Variants in TRIM5 observed in about 807,000 individuals in gnomAD.
TRIM5 encodes the protein tripartite motif-containing protein 5.
A neutral mutation model predicts 35.6 loss-of-function variants in TRIM5; 31 were observed. That is an observed-to-expected ratio of 0.87 (90% CI 0.65 to 1.18). The LOEUF (loss-of-function observed/expected upper bound fraction) is 1.18. Ranked by LOEUF, TRIM5 falls within the 50% of genes most tolerant of loss-of-function variation. The pLI is 0.00. For synonymous variants in TRIM5, 243 were observed against 215.6 expected, an observed-to-expected ratio of 1.13 and a Z score of -1.11; for missense variants, 609 against 591.6, an observed-to-expected ratio of 1.03 and a Z score of -0.31.
At chr11:5,588,940 C>A in the TRIM5 span, 1 of 152,182 alleles carries the variant, frequency 6.6e-6, no homozygotes, top group African/African-American at 2.4e-5. Context: ...CATGTCACCA[C>A]ACCTGGCTAA....
At chr11:5,642,602 A>G in the TRIM5 span, 1 of 1,470,506 alleles carries the variant, frequency 6.8e-7, no homozygotes, top group Non-Finnish European at 9.2e-7. Flanking sequence ...AGGACAGAAG[A>G]GAGGAGGGAG....
chr11:5,610,155 T>C, the TRIM5 span: 1 of 1,614,130 alleles, frequency 6.2e-7, no homozygotes, highest in Non-Finnish European at 8.5e-7. Context: ...GAGTGAGTTC[T>C]GGACCCTGAG....
the TRIM5 span, among the ~76,000 whole-genome samples, chr11:5,657,701 T>TAAATATATATATTTATAATATA: frequency 4.0e-4 from 52 of 130,506 alleles, no homozygotes; most frequent in African/African-American, 1.5e-3. Context: ...TAATATAATA[T>TAAATATATATATTTATAATATA]ATATAAATAT....
the TRIM5 span, among the ~76,000 whole-genome samples, chr11:5,639,451 A>C: frequency 0.32 from 49,118 of 151,516 alleles, 8,882 homozygotes; most frequent in East Asian, 0.62. Context: ...GAGACCGAAG[A>C]GGGCGGATCA....
the TRIM5 span, among the ~76,000 whole-genome samples, chr11:5,594,978 T>G: frequency 1.3e-5 from 2 of 152,184 alleles, no homozygotes; most frequent in South Asian, 4.1e-4. Flanking sequence ...AAGGGTGATC[T>G]GAAATAACCT....
chr11:5,666,757 G>T (rs181152549), intron 5 of TRIM5, among the ~76,000 whole-genome samples: 1 of 152,214 alleles, frequency 6.6e-6, no homozygotes, highest in Non-Finnish European at 1.5e-5. Flanking sequence ...CGAGGTGTGC[G>T]ATTTTAGACA....
In TRIM5 at chr11:5,677,657, C is replaced by G. The variant is rs1590267008; in HGVS notation, c.744+547G>C. ...CTCATGACTGGCCCGCCTGGGCCTCCTGACCTCATGACTGGCCCTCCTGGG... is the reference window on the plus strand; with the variant it reads ...CTCATGACTGGCCCGCCTGGGCCTCGTGACCTCATGACTGGCCCTCCTGGG... On this transcript the variant is annotated intron_variant, in intron 4 of 7. Transcript: ENST00000380034. 3.3e-5 allele frequency among the ~76,000 whole-genome samples: 5 copies of G among 152,292 alleles called. No individual in the cohort carries two copies. In the East Asian group the frequency reaches 7.7e-4, roughly 24 times the overall value.
At chr11:5,656,667 T>A in the TRIM5 span, among the ~76,000 whole-genome samples, 1 of 152,076 alleles carries the variant, frequency 6.6e-6, no homozygotes, top group African/African-American at 2.4e-5. Context: ...AACAGACACT[T>A]CTTAAAAGAA....
intron 4 of TRIM5, chr11:5,669,907 G>A (rs567617470): frequency 3.4e-4 from 66 of 192,184 alleles, no homozygotes; most frequent in Non-Finnish European, 6.6e-4. Context: ...CCCAGGAGGC[G>A]GAGGTTGCAG....
At chr11:5,650,178 T>C in the TRIM5 span, among the ~76,000 whole-genome samples, 1 of 152,218 alleles carries the variant, frequency 6.6e-6, no homozygotes, top group Non-Finnish European at 1.5e-5. Context: ...TCTATTCCAG[T>C]GAGGAGAAAA....
At chr11:5,669,724 G>A (rs759025418) in intron 4 of TRIM5, among the ~76,000 whole-genome samples, 6 of 152,278 alleles carry the variant, frequency 3.9e-5, no homozygotes, top group Admixed American at 6.5e-5. Flanking sequence ...TGGGCTGGGC[G>A]CAGTGACTCC....
the TRIM5 span, among the ~76,000 whole-genome samples, chr11:5,627,805 G>A: frequency 6.6e-6 from 1 of 152,308 alleles, no homozygotes; most frequent in Admixed American, 6.5e-5. Context: ...CAAGAATCCA[G>A]AAGAAGTGTC....
chr11:5,680,014 C>A lies in TRIM5; in HGVS notation c.164G>T (p.Cys55Phe), dbSNP rs375676926. 3.7e-6 allele frequency: 6 copies of A among 1,614,032 alleles called. No individual in the cohort carries two copies. The African/African-American group carries it at 8.0e-5, about 22-fold the overall frequency. The stretch of plus-strand genomic sequence containing the variant: ...CTGGTAACTGATCCGGCACACAGGG[C>A]AGCTACTCTCTCCTTTGTCTAGCAT... ...KSMLDKGESS[C>F]PVCRISYQPE... Residue 55 changes from cysteine (C) to phenylalanine (F), a missense_variant, in exon 2 of 8, where the codon TGC becomes TTC. Physicochemically the swap from Cys to Phe is radical, Grantham distance 205 (BLOSUM62 -2). Coordinates refer to ENST00000380034, the MANE Select transcript of TRIM5 (RefSeq NM_033034.3).
intron 5 of TRIM5, among the ~76,000 whole-genome samples, chr11:5,666,961 T>C (rs1163951488): frequency 6.6e-6 from 1 of 152,146 alleles, no homozygotes; most frequent in Non-Finnish European, 1.5e-5. Flanking sequence ...CATGTGGGAA[T>C]TGTCCCAATG....
chr11:5,595,117 C>G, the TRIM5 span: 3 of 152,210 alleles, frequency 2.0e-5, no homozygotes, highest in Non-Finnish European at 4.4e-5. Flanking sequence ...GATACTTAAC[C>G]CAGCTCTCTC....
the TRIM5 span, among the ~76,000 whole-genome samples, chr11:5,617,258 A>ACTCCATTTCCCTAATTGTTTTTCAT: frequency 6.9e-6 from 1 of 144,598 alleles, no homozygotes; most frequent in Admixed American, 7.0e-5. Context: ...ATCAAGATAG[A>ACTCCATTTCCCTAATTGTTTTTCAT]ACTGCAAGTT....
chr11:5,641,066 C>G, the TRIM5 span: 4 of 1,447,240 alleles, frequency 2.8e-6, no homozygotes, highest in Non-Finnish European at 3.7e-6. Context: ...ATATAACTCA[C>G]TTCTGATTTT....
intron 1 of TRIM5, among the ~76,000 whole-genome samples, chr11:5,684,471 C>T (rs2133257): frequency 0.31 from 46,436 of 152,090 alleles, 7,139 homozygotes; most frequent in South Asian, 0.45. Flanking sequence ...ACCATGAAGG[C>T]TGATGTCACA....
the TRIM5 span, among the ~76,000 whole-genome samples, chr11:5,631,669 T>C: frequency 6.6e-6 from 1 of 152,170 alleles, no homozygotes; most frequent in South Asian, 2.1e-4. Context: ...TCTGGGGTTC[T>C]AAAGTTCAGC....
Sources: gnomAD v4.1 joint callset for allele counts (sites outside exome capture counted in the v4.1 genomes callset) on GRCh38, gnomAD v4.1.1 for gene constraint, MANE v1.5 for transcripts, NCBI Gene and HGNC (gene_info 2026-07-23, HGNC 2026-07-21) for gene names.